Variants in NWD1 observed in about 807,000 individuals in gnomAD.
NWD1 encodes the protein NACHT domain- and WD repeat-containing protein 1.
NWD1 carries 129 observed loss-of-function variants against 135.1 expected under a neutral mutation model. The observed-to-expected ratio is 0.96, with a 90% CI of 0.83 to 1.11. The LOEUF is 1.11. Among genes scored for constraint, NWD1 ranks in the 50% least tolerant of loss-of-function variants. The pLI is 0.00. For synonymous variants in NWD1, 773 were observed against 786.0 expected, an observed-to-expected ratio of 0.98 and a Z score of 0.28; for missense variants, 1,740 against 1,851.3, an observed-to-expected ratio of 0.94 and a Z score of 1.10.
intron 4 of NWD1, among the ~76,000 whole-genome samples, chr19:16,741,504 T>G (rs1225328753): frequency 6.6e-6 from 1 of 151,764 alleles, no homozygotes; most frequent in Non-Finnish European, 1.5e-5. Context: ...TAGCTGGGAT[T>G]ACAGGCACCT....
At chr19:16,732,469 C>T (rs551719710) in intron 3 of NWD1, among the ~76,000 whole-genome samples, 1 of 151,358 alleles carries the variant, frequency 6.6e-6, no homozygotes, top group African/African-American at 2.4e-5. Context: ...GAGGGCTTTG[C>T]GATATGGGGG....
intron 12 of NWD1, among the ~76,000 whole-genome samples, chr19:16,781,721 A>G (rs1458872313): frequency 6.6e-6 from 1 of 152,134 alleles, no homozygotes; most frequent in Non-Finnish European, 1.5e-5. Context: ...TTATTTGTTG[A>G]ATAAATAAGT....
chr19:16,721,047 G>C (rs1006954754), intron 1 of NWD1, among the ~76,000 whole-genome samples: 1 of 151,784 alleles, frequency 6.6e-6, no homozygotes, highest in Non-Finnish European at 1.5e-5. Context: ...ATGGGGTTTC[G>C]CCATGTTGGC....
At chr19:16,758,962 C>G (rs1021690130) in intron 6 of NWD1, among the ~76,000 whole-genome samples, 1 of 138,596 alleles carries the variant, frequency 7.2e-6, no homozygotes, top group African/African-American at 2.7e-5. Context: ...CGAGATTGCA[C>G]CACTGCACTC....
intron 12 of NWD1, among the ~76,000 whole-genome samples, chr19:16,780,280 C>A (rs529522642): frequency 1.3e-5 from 2 of 151,894 alleles, no homozygotes; most frequent in South Asian, 4.2e-4. Context: ...CTCAGCCTCC[C>A]GAGTAGCTGG....
chr19:16,766,464 C>G (rs1310008633), intron 10 of NWD1, among the ~76,000 whole-genome samples: 1 of 152,166 alleles, frequency 6.6e-6, no homozygotes, highest in Non-Finnish European at 1.5e-5. Context: ...TGGGTCTGGC[C>G]CTCAGACTGC....
At chr19:16,778,491 C>CTTTTTTT (rs1969735692) in intron 11 of NWD1, among the ~76,000 whole-genome samples, 1 of 50,298 alleles carries the variant, frequency 2.0e-5, no homozygotes, top group Non-Finnish European at 3.2e-5. Flanking sequence ...TCTTCTTCTT[C>CTTTTTTT]TTCTTTTTTT....
intron 6 of NWD1, among the ~76,000 whole-genome samples, chr19:16,754,241 A>C: frequency 7.4e-6 from 1 of 134,460 alleles, no homozygotes; most frequent in East Asian, 2.3e-4. Flanking sequence ...TCCATCCATC[A>C]TCTCCATCTT....
intron 12 of NWD1, among the ~76,000 whole-genome samples, chr19:16,788,232 AAATAATAAT>A (rs200511332): frequency 0.055 from 6,308 of 115,316 alleles, 208 homozygotes; most frequent in South Asian, 0.12. Flanking sequence ...CTTCATCTCA[AAATAATAAT>A]AATAATAATA....
At chr19:16,747,952 T>G (rs966006289) in intron 5 of NWD1, among the ~76,000 whole-genome samples, 3 of 152,280 alleles carry the variant, frequency 2.0e-5, no homozygotes, top group Admixed American at 2.0e-4. Flanking sequence ...CCATATTTTG[T>G]TTATCCATTC....
intron 4 of NWD1, among the ~76,000 whole-genome samples, chr19:16,743,538 C>T (rs186624850): frequency 2.6e-4 from 39 of 151,936 alleles, no homozygotes; most frequent in African/African-American, 8.9e-4. Context: ...ACCCTCGTGA[C>T]TTCTGGTGGC....
intron 2 of NWD1, among the ~76,000 whole-genome samples, chr19:16,729,404 TCTC>T (rs1358172395): frequency 2.0e-5 from 3 of 151,906 alleles, no homozygotes; most frequent in Non-Finnish European, 2.9e-5. Flanking sequence ...GGTTCCCTCT[TCTC>T]CTTCTTATTC....
At chr19:16,739,710 G>A (rs1449876715) in intron 4 of NWD1, among the ~76,000 whole-genome samples, 1 of 152,112 alleles carries the variant, frequency 6.6e-6, no homozygotes, top group Non-Finnish European at 1.5e-5. Context: ...GTGTCTCTCT[G>A]GTAAATAAGT....
At chr19:16,790,581 T>C (rs1599538041) in intron 13 of NWD1, among the ~76,000 whole-genome samples, 1 of 150,748 alleles carries the variant, frequency 6.6e-6, no homozygotes, top group Admixed American at 6.7e-5. Context: ...TGTATACCTA[T>C]GTAACAAACC....
chr19:16,737,769 T>C (rs2122732728), intron 4 of NWD1, among the ~76,000 whole-genome samples: 1 of 151,540 alleles, frequency 6.6e-6, no homozygotes, highest in South Asian at 2.1e-4. Context: ...GTCAGGAGAT[T>C]GAGACCAGCC....
chr19:16,808,250 G>A, intron 18 of NWD1, 114 bp downstream of exon 18: 1 of 992,824 alleles, frequency 1.0e-6, no homozygotes, highest in Non-Finnish European at 1.5e-6. Flanking sequence ...GGACTGGGGT[G>A]ATGAAAATGA....
At chr19:16,741,342 G>T (rs1276134025) in intron 4 of NWD1, among the ~76,000 whole-genome samples, 4 of 148,678 alleles carry the variant, frequency 2.7e-5, no homozygotes, top group Non-Finnish European at 6.0e-5. Context: ...CATGTTTTTG[G>T]TTTTTTTGTT....
chr19:16,812,661 C>T lies in NWD1; in HGVS notation c.4288-2367C>T, dbSNP rs1970957610. 21 of 765,848 alleles carry T rather than the reference C, an allele frequency of 2.7e-5. No homozygotes were observed. In the South Asian group the frequency reaches 2.9e-4, roughly 10 times the overall value. The allele number at this position is 765,848 out of a possible 1,614,324, so 47.4% of individuals were successfully genotyped here. ...TCCAGCCTGGGCAACAAGAGTGAAA[C>T]TCCATCTCAAAAACAAACAAACAAA... On this transcript the variant is annotated intron_variant, in intron 18 of 18. Transcript: ENST00000524140.
chr19:16,789,866 C>T (rs368908194), intron 13 of NWD1, among the ~76,000 whole-genome samples: 18 of 152,094 alleles, frequency 1.2e-4, no homozygotes, highest in South Asian at 6.2e-4. Context: ...TACAGGCGCA[C>T]GCCACCACGC....
Sources: allele counts gnomAD v4.1 joint callset (sites outside exome capture counted in the v4.1 genomes callset), GRCh38; gene constraint gnomAD v4.1.1; transcripts MANE v1.5; gene names NCBI Gene and HGNC (gene_info 2026-07-23, HGNC 2026-07-21).